Variants in CFAP100 observed in about 807,000 individuals in gnomAD.
CFAP100 encodes the protein cilia and flagella associated protein 100.
Under a neutral mutation model 81.5 loss-of-function variants are expected in CFAP100, and 70 were observed. The ratio of observed to expected loss-of-function variants is 0.86; its 90% CI spans 0.71 to 1.05. The LOEUF is 1.05. Among genes scored for constraint, CFAP100 ranks in the 50% least tolerant of loss-of-function variants. CFAP100 has a pLI of 0.00. For missense variants in CFAP100, 811 were observed against 776.5 expected, an observed-to-expected ratio of 1.04 and a Z score of -0.53; for synonymous variants, 341 against 314.8, an observed-to-expected ratio of 1.08 and a Z score of -0.88.
In CFAP100 at chr3:126,433,130, G is replaced by A. The variant is rs1037757410; in HGVS notation, c.1348G>A (p.Glu450Lys). 14 of 1,614,106 alleles carry A rather than the reference G, an allele frequency of 8.7e-6. No individual in the cohort carries two copies. In the African/African-American group the frequency reaches 1.1e-4, roughly 12 times the overall value. ...VTTMMMSITK[E>K]EDTAAELELK... is the part of the protein sequence containing the mutation. The stretch of plus-strand genomic sequence containing the variant: ...CACAATGATGATGTCCATCACCAAG[G>A]AGGAGGACACAGCAGCTGAGCTGGA... Residue 450 changes from glutamate to lysine, a missense_variant, in exon 14 of 17, where the codon GAG (glutamate) becomes AAG (lysine). Transcript: ENST00000352312.
At chr3:126,395,429 G>T (rs919665828) in intron 1 of CFAP100, 3 of 152,340 alleles carry the variant, frequency 2.0e-5, no homozygotes, top group African/African-American at 7.2e-5. Flanking sequence ...AAGTGCCAAG[G>T]GTATGTCAGG....
At chr3:126,403,775 A>G (rs192577796) in intron 2 of CFAP100, among the ~76,000 whole-genome samples, 161 of 152,380 alleles carry the variant, frequency 1.1e-3, no homozygotes, top group African/African-American at 3.5e-3. Flanking sequence ...ACACTTTAAT[A>G]AAGACTTTTT....
intron 4 of CFAP100, 95 bp downstream of exon 4, chr3:126,414,274 T>G (rs753638242): frequency 1.2e-6 from 1 of 853,040 alleles, no homozygotes; most frequent in South Asian, 1.3e-5. Context: ...AGGAGCACTT[T>G]CCTCAGGTCC....
chr3:126,428,309 A>AT (rs1259272100), intron 13 of CFAP100, among the ~76,000 whole-genome samples: 1 of 152,248 alleles, frequency 6.6e-6, no homozygotes, highest in Non-Finnish European at 1.5e-5. Flanking sequence ...TGGAGAAGGC[A>AT]TAACTGTAGG....
intron 4 of CFAP100, among the ~76,000 whole-genome samples, chr3:126,415,839 C>T (rs1039824544): frequency 6.6e-6 from 1 of 152,144 alleles, no homozygotes; most frequent in African/African-American, 2.4e-5. Flanking sequence ...CTCGAAGCCA[C>T]CCCCAGGCCG....
intron 9 of CFAP100, 32 bp downstream of exon 9, chr3:126,419,850 G>C (rs1353267210): frequency 6.2e-7 from 1 of 1,611,660 alleles, no homozygotes; most frequent in Non-Finnish European, 8.5e-7. Flanking sequence ...GTTCCCAGGT[G>C]GGCTCTGCCA....
chr3:126,396,350 G>A, intron 2 of CFAP100: 1 of 338,586 alleles, frequency 3.0e-6, no homozygotes, highest in African/African-American at 2.1e-5. Context: ...CCCATTCCGG[G>A]CCTCTCTCCT....
chr3:126,407,874 C>T (rs942709199), intron 3 of CFAP100, among the ~76,000 whole-genome samples: 14 of 152,306 alleles, frequency 9.2e-5, no homozygotes, highest in Middle Eastern at 3.4e-3. Context: ...AACAGGGCAT[C>T]GCTGCCACCT....
At chr3:126,411,357 G>A (rs1350698499) in intron 3 of CFAP100, among the ~76,000 whole-genome samples, 1 of 30,216 alleles carries the variant, frequency 3.3e-5, no homozygotes, top group Non-Finnish European at 7.3e-5. Flanking sequence ...TTTTGTTGTT[G>A]TTGGTTTTTT....
intron 4 of CFAP100, among the ~76,000 whole-genome samples, chr3:126,414,698 T>C (rs1016896950): frequency 1.3e-5 from 2 of 152,166 alleles, no homozygotes; most frequent in African/African-American, 4.8e-5. Flanking sequence ...CCGACCCCAC[T>C]CTTGCCCCAT....
chr3:126,417,181 G>T (rs2083258109), intron 5 of CFAP100, among the ~76,000 whole-genome samples: 1 of 152,176 alleles, frequency 6.6e-6, no homozygotes, highest in South Asian at 2.1e-4. Flanking sequence ...CAGCTTTGTG[G>T]TCATACCCAG....
chr3:126,435,684 G>A (rs779815726), intron 16 of CFAP100, 32 bp downstream of exon 16: 16 of 1,570,624 alleles, frequency 1.0e-5, no homozygotes, highest in Non-Finnish European at 1.4e-5. Flanking sequence ...GGTCTCTGCT[G>A]GAGGGGGTCC....
rs1262102291 is a variant in CFAP100, at chr3:126,396,156, G to A, written c.49+107G>A. ...GCTCTAAACCAAACACTAGGCAGGA[G>A]TCATAGATCTGCCTACTTCCCTTGA... On this transcript the variant is annotated intron_variant, in intron 2 of 16. Coordinates refer to ENST00000352312, the MANE Select transcript of CFAP100 (RefSeq NM_182628.3). 8 of 842,406 alleles carry A rather than the reference G, an allele frequency of 9.5e-6. No individual in the cohort carries two copies. In the Admixed American group the frequency reaches 1.5e-4, roughly 15 times the overall value. The allele number at this position is 842,406 out of a possible 1,614,324, so 52.2% of individuals were successfully genotyped here.
intron 11 of CFAP100, among the ~76,000 whole-genome samples, chr3:126,422,354 T>C (rs1466428143): frequency 6.6e-6 from 1 of 152,238 alleles, no homozygotes; most frequent in South Asian, 2.1e-4. Flanking sequence ...CAGCCTCTCC[T>C]GGGAAGCCCT....
rs1440237848 is a variant in CFAP100, at chr3:126,434,368, G to A, written c.1615G>A (p.Glu539Lys). 13 of 1,613,348 alleles carry A rather than the reference G, an allele frequency of 8.1e-6. No homozygotes were observed. The highest frequency in any genetic ancestry group is 1.1e-5 in the Non-Finnish European group (13 of 1,179,832). ...GCAGGCCGAGAGGGCAAAGGAGAAG[G>A]AGCGGCGCATCAGGTGAGCTCTAGG... ...IEQAERAKEK[E>K]RRIRLREEKL... Residue 539 changes from glutamate (E) to lysine (K), a missense_variant, in exon 15 of 17, where the codon GAG becomes AAG. Physicochemically the swap from Glu to Lys is moderately conservative, Grantham distance 56. Transcript: ENST00000352312.
At chr3:126,434,572 A>G (rs1933372291) in intron 15 of CFAP100, 191 bp downstream of exon 15, 1 of 589,492 alleles carries the variant, frequency 1.7e-6, no homozygotes, top group African/African-American at 1.9e-5. Context: ...GGTTAGGGAA[A>G]GCTTCCTAGA....
Position 126,416,438 on chromosome 3 carries a change from G to T in CFAP100, c.348G>T (p.Glu116Asp), listed in dbSNP as rs2107603146. 1.2e-6 allele frequency: 2 copies of T among 1,611,272 alleles called. No homozygotes were observed. The highest frequency in any genetic ancestry group is 1.7e-6 in the Non-Finnish European group (2 of 1,179,248). The part of the protein sequence containing the change: ...LQLEDKQEDL[E>D]ARAEAEHQRA... Reference sequence around the variant, plus strand: ...TGGAGGACAAGCAGGAGGACCTGGAGGCGCGCGCCGAGGCCGAGCATCAGC... The same window carrying T: ...TGGAGGACAAGCAGGAGGACCTGGATGCGCGCGCCGAGGCCGAGCATCAGC... The change falls in exon 5 of 17, where the codon GAG becomes GAT. Residue 116 changes from glutamate (E) to aspartate (D), a missense_variant. Glu to Asp is a conservative substitution (Grantham distance 45). Coordinates refer to ENST00000352312, the MANE Select transcript of CFAP100 (RefSeq NM_182628.3).
In CFAP100 at chr3:126,420,244, G is replaced by A. The variant is rs1202441708; in HGVS notation, c.1082+15G>A. The A allele has an allele frequency of 1.2e-6, 2 of 1,609,152 alleles. No individual in the cohort carries two copies. The highest frequency in any genetic ancestry group is 2.2e-5 in the South Asian group (2 of 90,856). On this transcript the variant is annotated intron_variant, in intron 11 of 16. Transcript: ENST00000352312. Reference sequence around the variant, plus strand: ...GACTCCAGAGGGTGAGTGGGCTCGGGTGGTTGGGAGGGGCTGAGGCCTAGC... The same window carrying A: ...GACTCCAGAGGGTGAGTGGGCTCGGATGGTTGGGAGGGGCTGAGGCCTAGC...
At chr3:126,434,099 AG>A (rs1933347381) in intron 14 of CFAP100, 76 bp from the exon 15 acceptor site, 5 of 1,309,688 alleles carry the variant, frequency 3.8e-6, no homozygotes, top group Non-Finnish European at 5.3e-6. Context: ...GGAGGTCAGC[AG>A]GCCACCGCTG....
Sources: gnomAD v4.1 joint callset for allele counts (sites outside exome capture counted in the v4.1 genomes callset) on GRCh38, gnomAD v4.1.1 for gene constraint, MANE v1.5 for transcripts, NCBI Gene and HGNC (gene_info 2026-07-23, HGNC 2026-07-21) for gene names.